RIGI: variants seen among roughly 807,000 people sequenced by gnomAD.
RIGI encodes RNA sensor RIG-I, also known as antiviral innate immune response receptor RIG-I.
At chr9:32,517,428 T>A in the RIGI span, among the ~76,000 whole-genome samples, 1 of 152,226 alleles carries the variant, frequency 6.6e-6, no homozygotes, top group Non-Finnish European at 1.5e-5. Context: ...TTATACACTA[T>A]ACCTACCAAA....
chr9:32,489,249 A>G, the RIGI span: 1 of 810,020 alleles, frequency 1.2e-6, no homozygotes, highest in East Asian at 2.7e-5. Context: ...GGAACAAGGA[A>G]AAAACTGAAA....
the RIGI span, among the ~76,000 whole-genome samples, chr9:32,480,894 C>T: frequency 6.6e-6 from 1 of 152,158 alleles, no homozygotes; most frequent in Non-Finnish European, 1.5e-5. Context: ...ACTATAGTTC[C>T]TTAACTTCTT....
the RIGI span, among the ~76,000 whole-genome samples, chr9:32,522,426 T>C: frequency 6.6e-6 from 1 of 152,188 alleles, no homozygotes; most frequent in Non-Finnish European, 1.5e-5. Context: ...CTGTTTTCTT[T>C]TATAAGGGGA....
the RIGI span, among the ~76,000 whole-genome samples, chr9:32,516,937 C>T: frequency 2.5e-4 from 38 of 152,290 alleles, 1 homozygote; most frequent in Non-Finnish European, 5.9e-5. Context: ...CTTCAGCAGT[C>T]GGATTGTGTT....
At chr9:32,514,285 T>C in the RIGI span, among the ~76,000 whole-genome samples, 3 of 152,216 alleles carry the variant, frequency 2.0e-5, no homozygotes, top group African/African-American at 4.8e-5. Flanking sequence ...TGTATGTGTC[T>C]TGCGGCATTG....
the RIGI span, chr9:32,494,008 T>A: frequency 8.3e-7 from 1 of 1,210,428 alleles, no homozygotes; most frequent in Admixed American, 2.9e-5. Flanking sequence ...GAGATTAGTA[T>A]CATAGAAATC....
chr9:32,473,555 G>A, the RIGI span, among the ~76,000 whole-genome samples: 1 of 152,006 alleles, frequency 6.6e-6, no homozygotes, highest in Non-Finnish European at 1.5e-5. Flanking sequence ...AAAGTGCTGG[G>A]ATTACAGGCA....
chr9:32,525,744 A>C, the RIGI span, among the ~76,000 whole-genome samples: 1 of 152,168 alleles, frequency 6.6e-6, no homozygotes, highest in Non-Finnish European at 1.5e-5. Context: ...AATCTCTGTC[A>C]GTACCCAGCC....
chr9:32,476,676 C>T, the RIGI span, among the ~76,000 whole-genome samples: 2 of 150,538 alleles, frequency 1.3e-5, no homozygotes, highest in South Asian at 4.2e-4. Context: ...ACAGGTTCTA[C>T]CTCTGTTGCT....
chr9:32,486,075 C>T, the RIGI span, among the ~76,000 whole-genome samples: 2 of 152,202 alleles, frequency 1.3e-5, no homozygotes, highest in Non-Finnish European at 2.9e-5. Context: ...AAAGAACACA[C>T]TTCATGCTCC....
the RIGI span, among the ~76,000 whole-genome samples, chr9:32,480,577 A>G: frequency 3.3e-3 from 504 of 152,368 alleles, 3 homozygotes; most frequent in African/African-American, 0.011. Context: ...AACATTAATT[A>G]TCATCACTTT....
the RIGI span, chr9:32,489,553 A>T: frequency 1.7e-6 from 1 of 578,610 alleles, no homozygotes; most frequent in Non-Finnish European, 3.0e-6. Flanking sequence ...CAGCAAGAAG[A>T]TCCTCATTGG....
chr9:32,458,908 G>A, the RIGI span, among the ~76,000 whole-genome samples: 1 of 37,274 alleles, frequency 2.7e-5, no homozygotes, highest in African/African-American at 8.3e-5. Flanking sequence ...TTTTTTTTTT[G>A]AGACAGAGTC....
chr9:32,508,234 ACTT>A, the RIGI span, among the ~76,000 whole-genome samples: 2 of 18,576 alleles, frequency 1.1e-4, no homozygotes, highest in African/African-American at 3.1e-4. Flanking sequence ...CAAAGTATTT[ACTT>A]AATTTTTTTT....
chr9:32,523,770 G>A, the RIGI span, among the ~76,000 whole-genome samples: 1 of 151,808 alleles, frequency 6.6e-6, no homozygotes. Context: ...AGTCAAAGTC[G>A]TTTTTCTACA....
At chr9:32,499,311 G>GTTTTT in the RIGI span, among the ~76,000 whole-genome samples, 53 of 81,104 alleles carry the variant, frequency 6.5e-4, no homozygotes, top group East Asian at 9.2e-4. Flanking sequence ...CAGAGTTTGT[G>GTTTTT]ATTTGTTTTT....
chr9:32,500,021 T>C, the RIGI span, among the ~76,000 whole-genome samples: 1 of 152,254 alleles, frequency 6.6e-6, no homozygotes, highest in Non-Finnish European at 1.5e-5. Flanking sequence ...GTCTAATATA[T>C]CAGGTTTCCA....
the RIGI span, among the ~76,000 whole-genome samples, chr9:32,462,085 T>C: frequency 6.6e-6 from 1 of 152,202 alleles, no homozygotes; most frequent in Non-Finnish European, 1.5e-5. Context: ...AGATGGGTTC[T>C]ACCAACTCTA....
chr9:32,457,637 A>G, the RIGI span, among the ~76,000 whole-genome samples: 1 of 152,134 alleles, frequency 6.6e-6, no homozygotes, highest in African/African-American at 2.4e-5. Context: ...TGGGGTTGCA[A>G]GTGAGGACAC....
Sources: allele counts gnomAD v4.1 joint callset (sites outside exome capture counted in the v4.1 genomes callset), GRCh38; gene constraint gnomAD v4.1.1; transcripts MANE v1.5; gene names NCBI Gene and HGNC (gene_info 2026-07-23, HGNC 2026-07-21).